Variants in ACAP2 observed in about 807,000 individuals in gnomAD.
ACAP2 encodes the protein arf-GAP with coiled-coil, ANK repeat and PH domain-containing protein 2.
A neutral mutation model predicts 115.8 loss-of-function variants in ACAP2; 39 were observed. That is an observed-to-expected ratio of 0.34 (90% CI 0.26 to 0.44). The LOEUF (loss-of-function observed/expected upper bound fraction) is 0.44, where lower values mean the gene tolerates loss of function less well. Ranked by LOEUF, ACAP2 falls within the 20% of genes least tolerant of loss-of-function variation. The pLI, the probability that ACAP2 is intolerant of heterozygous loss-of-function variation, is 1.00. For missense variants in ACAP2, 662 were observed against 927.6 expected, an observed-to-expected ratio of 0.71 and a Z score of 3.72; for synonymous variants, 289 against 315.8, an observed-to-expected ratio of 0.92 and a Z score of 0.90.
At chr3:195,300,938 A>C (rs980773480) in intron 15 of ACAP2, among the ~76,000 whole-genome samples, 1 of 152,154 alleles carries the variant, frequency 6.6e-6, no homozygotes, top group African/African-American at 2.4e-5. Context: ...GGATTCTTTG[A>C]GCCAAGGAAG....
intron 6 of ACAP2, among the ~76,000 whole-genome samples, chr3:195,339,086 C>G (rs918364875): frequency 2.0e-5 from 3 of 152,010 alleles, no homozygotes; most frequent in African/African-American, 4.8e-5. Flanking sequence ...CAAAAATTAG[C>G]CAGGCATGGT....
At chr3:195,361,000 A>G (rs916018614) in intron 4 of ACAP2, among the ~76,000 whole-genome samples, 2 of 151,734 alleles carry the variant, frequency 1.3e-5, no homozygotes, top group Admixed American at 6.6e-5. Flanking sequence ...AAAAAAAAAA[A>G]AAAACCTGAA....
intron 1 of ACAP2, among the ~76,000 whole-genome samples, chr3:195,441,463 A>G (rs1487072200): frequency 6.6e-6 from 1 of 152,244 alleles, no homozygotes. Context: ...AATAAAATTA[A>G]TACCCAAAAA....
intron 8 of ACAP2, among the ~76,000 whole-genome samples, chr3:195,331,694 G>A (rs1730177702): frequency 6.6e-6 from 1 of 151,966 alleles, no homozygotes; most frequent in South Asian, 2.1e-4. Context: ...CCTAAAAATC[G>A]ACAGTGTTAA....
intron 9 of ACAP2, among the ~76,000 whole-genome samples, chr3:195,325,900 A>C (rs954582453): frequency 1.3e-5 from 2 of 152,176 alleles, no homozygotes; most frequent in African/African-American, 4.8e-5. Context: ...AAACAAAATA[A>C]AACGTGGAGT....
rs192522855 is a variant in ACAP2, at chr3:195,417,695, C to T, written c.53+25100G>A. Reference sequence around the variant, plus strand: ...GGGTACAGTGGCTCACACCTGTAATCCTAGCACTTTGGGAGGCCAAGGTAG... The same window carrying T: ...GGGTACAGTGGCTCACACCTGTAATTCTAGCACTTTGGGAGGCCAAGGTAG... On this transcript the variant is annotated intron_variant, in intron 1 of 22. Transcript: ENST00000326793. 5.3e-5 allele frequency among the ~76,000 whole-genome samples: 8 copies of T among 152,280 alleles called. No homozygotes were observed. In the East Asian group the frequency reaches 1.3e-3, roughly 26 times the overall value.
At chr3:195,281,008 G>A (rs1429352728) in intron 22 of ACAP2, among the ~76,000 whole-genome samples, 1 of 152,192 alleles carries the variant, frequency 6.6e-6, no homozygotes, top group African/African-American at 2.4e-5. Context: ...TGAAGCAAGA[G>A]ATGTCATACC....
chr3:195,409,850 T>C (rs143852026), intron 1 of ACAP2, among the ~76,000 whole-genome samples: 59 of 112,216 alleles, frequency 5.3e-4, no homozygotes, highest in African/African-American at 2.0e-3. Flanking sequence ...CACTCCAGCC[T>C]GGGTAACAGA....
At chr3:195,284,691 C>G (rs1726728236) in intron 22 of ACAP2, among the ~76,000 whole-genome samples, 1 of 152,062 alleles carries the variant, frequency 6.6e-6, no homozygotes, top group Admixed American at 6.5e-5. Flanking sequence ...TGTATTTAAA[C>G]AGGAAGAAGA....
intron 1 of ACAP2, among the ~76,000 whole-genome samples, chr3:195,439,378 T>C (rs923829946): frequency 5.9e-5 from 9 of 151,944 alleles, no homozygotes; most frequent in Non-Finnish European, 1.2e-4. Flanking sequence ...GGTGTCTCAC[T>C]TTGTTGCCCA....
intron 4 of ACAP2, among the ~76,000 whole-genome samples, chr3:195,369,259 T>C (rs1256043116): frequency 2.0e-5 from 3 of 152,238 alleles, no homozygotes; most frequent in South Asian, 4.1e-4. Context: ...GTTTACTAAA[T>C]GCTTAATTTT....
At chr3:195,431,656 G>A (rs907479004) in intron 1 of ACAP2, among the ~76,000 whole-genome samples, 6 of 150,166 alleles carry the variant, frequency 4.0e-5, no homozygotes, top group Admixed American at 2.0e-4. Context: ...ACTATGTTTG[G>A]CAGGATGGTC....
At chr3:195,324,340 T>C (rs532026536) in intron 9 of ACAP2, among the ~76,000 whole-genome samples, 7 of 152,120 alleles carry the variant, frequency 4.6e-5, no homozygotes, top group Non-Finnish European at 1.0e-4. Context: ...TAACACAGGA[T>C]ATACCACAGA....
At chr3:195,332,701 C>T (rs1231972247) in intron 8 of ACAP2, among the ~76,000 whole-genome samples, 1 of 152,122 alleles carries the variant, frequency 6.6e-6, no homozygotes. Flanking sequence ...TGCTGGTACT[C>T]GTGATAGTGA....
intron 10 of ACAP2, among the ~76,000 whole-genome samples, chr3:195,313,885 T>C (rs971321169): frequency 6.6e-6 from 1 of 152,312 alleles, no homozygotes; most frequent in African/African-American, 2.4e-5. Flanking sequence ...GAAAGGAAGC[T>C]GCCACACTGA....
chr3:195,411,147 C>T (rs1713228482), intron 1 of ACAP2: 2 of 188,686 alleles, frequency 1.1e-5, no homozygotes, highest in Non-Finnish European at 2.3e-5. Flanking sequence ...TCAATGAGGA[C>T]GTGGAGTCAC....
At chr3:195,313,480 T>C (rs1261136143) in intron 10 of ACAP2, among the ~76,000 whole-genome samples, 2 of 152,180 alleles carry the variant, frequency 1.3e-5, no homozygotes, top group Non-Finnish European at 2.9e-5. Flanking sequence ...TTATAAAATA[T>C]TAGGCAAATA....
chr3:195,297,404 A>G, intron 15 of ACAP2, 123 bp from the exon 16 acceptor site: 1 of 707,804 alleles, frequency 1.4e-6, no homozygotes, highest in African/African-American at 1.8e-5. Context: ...GCAGATGCTT[A>G]TTCTACAAAG....
chr3:195,353,935 C>T (rs1003437301), intron 4 of ACAP2, among the ~76,000 whole-genome samples: 2 of 152,118 alleles, frequency 1.3e-5, no homozygotes, highest in Admixed American at 6.5e-5. Flanking sequence ...TATTTCATCA[C>T]CCAGGTATTA....
Sources: allele counts gnomAD v4.1 joint callset (sites outside exome capture counted in the v4.1 genomes callset), GRCh38; gene constraint gnomAD v4.1.1; transcripts MANE v1.5; gene names NCBI Gene and HGNC (gene_info 2026-07-23, HGNC 2026-07-21).